Variants in INTS6 observed in about 807,000 individuals in gnomAD.
The protein encoded by INTS6 is DEAD box protein.
INTS6 carries 16 observed loss-of-function variants against 104.9 expected under a neutral mutation model. The ratio of observed to expected loss-of-function variants is 0.15; its 90% CI spans 0.10 to 0.23. The LOEUF (loss-of-function observed/expected upper bound fraction) is 0.23, where lower values mean the gene tolerates loss of function less well. Among genes scored for constraint, INTS6 ranks in the 10% least tolerant of loss-of-function variants. INTS6 has a pLI of 1.00. For missense variants in INTS6, 584 were observed against 1,062.8 expected, an observed-to-expected ratio of 0.55 and a Z score of 6.26; for synonymous variants, 324 against 358.7, an observed-to-expected ratio of 0.90 and a Z score of 1.09.
At position 51,422,199 on chromosome 13, in the gene INTS6, C is replaced by T. The variant is rs8000873; in HGVS notation, c.429+8095G>A. On this transcript the variant is annotated intron_variant, in intron 4 of 17. Transcript: ENST00000311234. Reference sequence around the variant, plus strand: ...TTTGTCTGTCAATTACTTTACCTTCCTTTCTCCTCCTTTATTTTTTATCAC... The same window carrying T: ...TTTGTCTGTCAATTACTTTACCTTCTTTTCTCCTCCTTTATTTTTTATCAC... Among the ~76,000 whole-genome samples, 1,315 of 152,086 alleles carry T rather than the reference C, an allele frequency of 8.6e-3. 19 individuals carry two copies. The highest frequency in any genetic ancestry group is 0.029 in the African/African-American group (1,218 of 41,472).
chr13:51,355,223 T>TTCCACAGAGCCTTAAGTGGTAAACAA, intron 3 of INTS6: 1 of 684,048 alleles, frequency 1.5e-6, no homozygotes, highest in Non-Finnish European at 2.6e-6. Flanking sequence ...GGATTCTCAT[T>TTCCACAGAGCCTTAAGTGGTAAACAA]TCAGAGTCAA....
At chr13:51,429,785 A>AAAAAAAAAAAAAAATATATATATATAT (rs1156333077) in intron 4 of INTS6, among the ~76,000 whole-genome samples, 1 of 92,356 alleles carries the variant, frequency 1.1e-5, no homozygotes, top group Non-Finnish European at 2.0e-5. Flanking sequence ...AAAAAAAAAA[A>AAAAAAAAAAAAAAATATATATATATAT]ATATATATAT....
intron 3 of INTS6, chr13:51,439,362 T>C (rs1022723224): frequency 3.9e-5 from 6 of 152,242 alleles, no homozygotes; most frequent in African/African-American, 1.4e-4. Context: ...ATCACTAGAC[T>C]GACATAAATT....
At chr13:51,420,294 A>T (rs1180064817) in intron 4 of INTS6, among the ~76,000 whole-genome samples, 2 of 150,918 alleles carry the variant, frequency 1.3e-5, no homozygotes, top group African/African-American at 4.9e-5. Flanking sequence ...AATGGTACAT[A>T]CTTAATTTTT....
chr13:51,337,465 C>T, the INTS6 span, among the ~76,000 whole-genome samples: 5 of 152,304 alleles, frequency 3.3e-5, no homozygotes, highest in South Asian at 2.1e-4. Flanking sequence ...ACACGCATTA[C>T]GAGCAAAACA....
chr13:51,412,844 A>C (rs897202714), intron 4 of INTS6, among the ~76,000 whole-genome samples: 1 of 152,216 alleles, frequency 6.6e-6, no homozygotes, highest in African/African-American at 2.4e-5. Flanking sequence ...TAAAGAACTA[A>C]TGCTATCAAG....
At chr13:51,428,826 T>G (rs1957031941) in intron 4 of INTS6, among the ~76,000 whole-genome samples, 2 of 152,192 alleles carry the variant, frequency 1.3e-5, no homozygotes, top group African/African-American at 4.8e-5. Flanking sequence ...CCTAAATTTT[T>G]CAGCTCTATC....
downstream of INTS6, among the ~76,000 whole-genome samples, chr13:51,358,930 G>A (rs1382571861): frequency 6.6e-6 from 1 of 151,974 alleles, no homozygotes; most frequent in Non-Finnish European, 1.5e-5. Context: ...GGTGTGGGTG[G>A]TTCTATGGTT....
At chr13:51,344,421 C>G in the INTS6 span, 3 of 1,609,714 alleles carry the variant, frequency 1.9e-6, no homozygotes, top group South Asian at 3.3e-5. Context: ...TGGAACCAGC[C>G]GACCTCAGTG....
chr13:51,417,824 G>A (rs1956820210), intron 4 of INTS6, among the ~76,000 whole-genome samples: 1 of 152,160 alleles, frequency 6.6e-6, no homozygotes, highest in South Asian at 2.1e-4. Flanking sequence ...ATAAATGTAT[G>A]TGTTTTGCTG....
chr13:51,424,595 C>T (rs1956954373), intron 4 of INTS6, among the ~76,000 whole-genome samples: 1 of 151,822 alleles, frequency 6.6e-6, no homozygotes, highest in Non-Finnish European at 1.5e-5. Flanking sequence ...AAAAGAAATA[C>T]AAATGGTCTA....
At chr13:51,381,089 G>T (rs1956041282) in intron 10 of INTS6, among the ~76,000 whole-genome samples, 1 of 152,040 alleles carries the variant, frequency 6.6e-6, no homozygotes, top group Non-Finnish European at 1.5e-5. Flanking sequence ...AAACAATACA[G>T]TATAAAAGTA....
At chr13:51,404,980 T>C (rs1956534313) in intron 4 of INTS6, among the ~76,000 whole-genome samples, 1 of 152,224 alleles carries the variant, frequency 6.6e-6, no homozygotes, top group Non-Finnish European at 1.5e-5. Flanking sequence ...TTATGTGTTA[T>C]GATATGTACA....
At chr13:51,348,402 T>A in the INTS6 span, 4 of 1,613,442 alleles carry the variant, frequency 2.5e-6, no homozygotes, top group Non-Finnish European at 3.4e-6. Context: ...ATGGATGTGT[T>A]CCTGCCCAGG....
At chr13:51,432,648 T>A (rs1387928886) in intron 3 of INTS6, among the ~76,000 whole-genome samples, 1 of 152,184 alleles carries the variant, frequency 6.6e-6, no homozygotes. Flanking sequence ...CCATTTAGAA[T>A]TACTCAAACT....
intron 5 of INTS6, among the ~76,000 whole-genome samples, chr13:51,390,044 G>A (rs981628499): frequency 1.1e-4 from 16 of 151,958 alleles, no homozygotes; most frequent in East Asian, 1.9e-4. Context: ...CCTGTCTCAC[G>A]TGAATTCCCC....
chr13:51,421,558 G>T (rs1490838085), intron 4 of INTS6, among the ~76,000 whole-genome samples: 1 of 152,058 alleles, frequency 6.6e-6, no homozygotes, highest in Non-Finnish European at 1.5e-5. Context: ...AATATCTACA[G>T]TATTACATCT....
chr13:51,359,019 T>C (rs924431309), downstream of INTS6, among the ~76,000 whole-genome samples: 4 of 152,104 alleles, frequency 2.6e-5, no homozygotes, highest in African/African-American at 9.7e-5. Flanking sequence ...AGTCCCCTAC[T>C]GAAAACAAAA....
chr13:51,360,243 T>G (rs1190220677), downstream of INTS6, among the ~76,000 whole-genome samples: 2 of 152,082 alleles, frequency 1.3e-5, no homozygotes, highest in South Asian at 2.1e-4. Flanking sequence ...CATTTTAACA[T>G]TCATGCCACA....
Sources: allele counts gnomAD v4.1 joint callset (sites outside exome capture counted in the v4.1 genomes callset), GRCh38; gene constraint gnomAD v4.1.1; transcripts MANE v1.5; gene names NCBI Gene and HGNC (gene_info 2026-07-23, HGNC 2026-07-21).